Variants in STAT1 observed in about 807,000 individuals in gnomAD.
STAT1 encodes the protein signal transducer and activator of transcription 1-alpha/beta.
STAT1 carries 24 observed loss-of-function variants against 111.7 expected under a neutral mutation model. That is an observed-to-expected ratio of 0.21 (90% CI 0.16 to 0.30). STAT1 has a LOEUF of 0.30. Ranked by LOEUF, STAT1 falls within the 10% of genes least tolerant of loss-of-function variation. The pLI is 1.00. For synonymous variants in STAT1, 332 were observed against 326.5 expected, an observed-to-expected ratio of 1.02 and a Z score of -0.18; for missense variants, 351 against 911.9, an observed-to-expected ratio of 0.38 and a Z score of 7.92.
At chr2:191,001,270 G>A (rs1694248496) in intron 5 of STAT1, 107 bp from the exon 6 acceptor site, 1 of 846,708 alleles carries the variant, frequency 1.2e-6, no homozygotes, top group African/African-American at 1.7e-5. Flanking sequence ...CTTCTGACAT[G>A]TACTACAGGC....
chr2:190,982,478 G>A lies in STAT1; in HGVS notation c.1487C>T (p.Ala496Val). The A allele has an allele frequency of 6.2e-7, 1 of 1,614,198 alleles. No individual in the cohort carries two copies. The highest frequency in any genetic ancestry group is 8.5e-7 in the Non-Finnish European group (1 of 1,180,026). Residue 496 changes from alanine to valine, a missense_variant, in exon 18 of 25, where the codon GCT (alanine) becomes GTT (valine). By Grantham distance (64) the Ala-to-Val change is moderately conservative. Coordinates refer to ENST00000361099, the MANE Select transcript of STAT1 (RefSeq NM_007315.4). The surrounding 1 kb of genome is among the most constrained non-coding windows in gnomAD (Gnocchi z 7.3). The stretch of plus-strand genomic sequence containing the variant: ...CCAACTCAGCACTTCTGAAAGCTGA[G>A]CCCATCGTGCACATGGTGGAGTCAG... The part of the protein sequence containing the change: ...FFLTPPCARW[A>V]QLSEVLSWQF...
chr2:190,982,376 C>T lies in STAT1; in HGVS notation c.1582+7G>A, dbSNP rs762378892. On this transcript the variant is annotated splice_region_variant and intron_variant, in intron 18 of 24. Coordinates refer to ENST00000361099, the MANE Select transcript of STAT1 (RefSeq NM_007315.4). This position sits in a 1 kb window ranked among gnomAD's most constrained non-coding sequence, Gnocchi z 7.3. ...TTTATAAACATAACAAGTTAATATG[C>T]ATATACCAAGAAGCTTCTCTCCCAA... 1.3e-5 allele frequency: 21 copies of T among 1,614,014 alleles called. No individual in the cohort carries two copies. Among genetic ancestry groups the T allele is most frequent in the Admixed American group, 8.3e-5 (5 of 60,028 alleles).
Position 191,000,360 on chromosome 2 carries a change from C to G in STAT1, c.463-656G>C, listed in dbSNP as rs187698491. On this transcript the variant is annotated intron_variant, in intron 6 of 24. Transcript: ENST00000361099. The surrounding 1 kb of genome is among the most constrained non-coding windows in gnomAD (Gnocchi z 4.8). ...AGGAGACCGCAAGATGAAGTTGCTCCAAAGAATGTGGAGTTTGGAAAGATG... is the reference window on the plus strand; with the variant it reads ...AGGAGACCGCAAGATGAAGTTGCTCGAAAGAATGTGGAGTTTGGAAAGATG... Among the ~76,000 whole-genome samples, 3 of 152,218 alleles carry G rather than the reference C, an allele frequency of 2.0e-5. No homozygotes were observed. The highest frequency in any genetic ancestry group is 2.0e-4 in the Admixed American group (3 of 15,300).
Position 190,970,745 on chromosome 2 carries a change from T to C in STAT1, c.2239-28A>G, listed in dbSNP as rs1691390998. 2 of 1,606,594 alleles carry C rather than the reference T, an allele frequency of 1.2e-6. No homozygotes were observed. Among genetic ancestry groups the C allele is most frequent in the Non-Finnish European group, 1.7e-6 (2 of 1,173,660 alleles). On this transcript the variant is annotated intron_variant, in intron 24 of 24. Coordinates refer to ENST00000361099, the MANE Select transcript of STAT1 (RefSeq NM_007315.4). This position sits in a 1 kb window ranked among gnomAD's most constrained non-coding sequence, Gnocchi z 5.4. ...GTAAAAAGACAAAATGTGGTTAAGT[T>C]TATTACACTGATCTTGTGAAATGCA...
In STAT1 at chr2:190,982,317, A is replaced by C; in HGVS notation, c.1582+66T>G. ...TTAACAAAATAGCAGAGGGGAAAAGAGCAATTAGAGAGATATTTTTATGAA... is the reference window on the plus strand; with the variant it reads ...TTAACAAAATAGCAGAGGGGAAAAGCGCAATTAGAGAGATATTTTTATGAA... On this transcript the variant is annotated intron_variant, in intron 18 of 24. Coordinates refer to ENST00000361099, the MANE Select transcript of STAT1 (RefSeq NM_007315.4). This position sits in a 1 kb window ranked among gnomAD's most constrained non-coding sequence, Gnocchi z 7.3. 1 of 1,581,704 alleles carries C rather than the reference A, an allele frequency of 6.3e-7. No individual in the cohort carries two copies. Among genetic ancestry groups the C allele is most frequent in the African/African-American group, 1.3e-5 (1 of 74,276 alleles).
At position 190,983,651 on chromosome 2, in the gene STAT1, C is replaced by T. The variant is rs377513599; in HGVS notation, c.1437G>A (p.Ala479=). 250 of 1,613,904 alleles carry T rather than the reference C, an allele frequency of 1.5e-4. No homozygotes were observed. The highest frequency in any genetic ancestry group is 2.3e-4 in the African/African-American group (17 of 74,896). Residue 479 remains alanine (A), a synonymous_variant, in exon 17 of 25, where the codon GCG becomes GCA. Coordinates refer to ENST00000361099, the MANE Select transcript of STAT1 (RefSeq NM_007315.4). This position sits in a 1 kb window ranked among gnomAD's most constrained non-coding sequence, Gnocchi z 5.7. ...ASILWYNMLV[A]EPRNLSFFLT... ...AATGTGTTTTCCATACCCTGGGTTC[C>T]GCCACCAGCATGTTGTACCAAAGGA...
chr2:190,992,729 C>A, intron 10 of STAT1: 1 of 1,092,732 alleles, frequency 9.2e-7, no homozygotes, highest in Non-Finnish European at 1.2e-6. Flanking sequence ...CTCCAGGACC[C>A]ATTAGCTTCT....
Position 190,987,131 on chromosome 2 carries a change from A to T in STAT1, c.1098-63T>A. The T allele has an allele frequency of 8.1e-7, 1 of 1,231,470 alleles. No individual in the cohort carries two copies. The highest frequency in any genetic ancestry group is 1.2e-5 in the South Asian group (1 of 81,856). 76.3% of individuals were successfully genotyped at this position (1,231,470 alleles called of 1,614,324 possible). A position where few individuals can be genotyped will look rare whatever the true frequency, so the allele number is the denominator to read the frequency against. On this transcript the variant is annotated intron_variant, in intron 12 of 24. Transcript: ENST00000361099. This position sits in a 1 kb window ranked among gnomAD's most constrained non-coding sequence, Gnocchi z 4.0. The stretch of plus-strand genomic sequence containing the variant: ...AAAATTTGAAATAAGCTTTAACAAA[A>T]TTATAAGAGTATAAGAGCATAAGAG...
chr2:190,975,641 T>TA lies in STAT1; in HGVS notation c.2135+170dup, dbSNP rs1691848301. 2.8e-6 allele frequency: 4 copies of TA among 1,406,650 alleles called. No homozygotes were observed. Among genetic ancestry groups the TA allele is most frequent in the South Asian group, 1.5e-5 (1 of 66,308 alleles). The allele number at this position is 1,406,650 out of a possible 1,614,324, so 87.1% of individuals were successfully genotyped here. On this transcript the variant is annotated intron_variant, in intron 23 of 24. Transcript: ENST00000361099. The surrounding 1 kb of genome is among the most constrained non-coding windows in gnomAD (Gnocchi z 5.9). ...TGGTTTTTGGCTTTTTTTTTTTTTT[T>TA]AAAGTAGTAAAATGCTGATAGGCAG...
rs761058179 is a variant in STAT1, at chr2:190,981,585, A to G, written c.1582+798T>C. 1.3e-5 allele frequency among the ~76,000 whole-genome samples: 2 copies of G among 152,264 alleles called. No individual in the cohort carries two copies. Among genetic ancestry groups the G allele is most frequent in the Non-Finnish European group, 2.9e-5 (2 of 68,044 alleles). On this transcript the variant is annotated intron_variant, in intron 18 of 24. Coordinates refer to ENST00000361099, the MANE Select transcript of STAT1 (RefSeq NM_007315.4). This position sits in a 1 kb window ranked among gnomAD's most constrained non-coding sequence, Gnocchi z 4.1. ...AGGGGATTTTGTACTTGTATTAAAC[A>G]GCACAAGACCACCACTGTGACAGCT... is the stretch of plus-strand genomic sequence containing the variant.
chr2:190,972,410 A>G (rs1691560525), intron 24 of STAT1, among the ~76,000 whole-genome samples: 1 of 152,218 alleles, frequency 6.6e-6, no homozygotes, highest in South Asian at 2.1e-4. Context: ...CATACTGCAG[A>G]GAACACTGGT....
chr2:190,996,180 A>C lies in STAT1; in HGVS notation c.786-961T>G, dbSNP rs1265688736. On this transcript the variant is annotated intron_variant, in intron 9 of 24. Coordinates refer to ENST00000361099, the MANE Select transcript of STAT1 (RefSeq NM_007315.4). This position sits in a 1 kb window ranked among gnomAD's most constrained non-coding sequence, Gnocchi z 4.5. ...CCTAAACATAAAAAGCCAATGAGTA[A>C]ACCCAGTGATTGCTCTTAGTCTTCC... is the stretch of plus-strand genomic sequence containing the variant. Among the ~76,000 whole-genome samples the C allele has an allele frequency of 6.6e-6, 1 of 152,194 alleles. No individual in the cohort carries two copies. The highest frequency in any genetic ancestry group is 2.4e-5 in the African/African-American group (1 of 41,446).
rs7565237 is a variant in STAT1, at chr2:190,971,964, C to T, written c.2239-1247G>A. 0.22 allele frequency among the ~76,000 whole-genome samples: 33,469 copies of T among 152,012 alleles called. 4,019 individuals carry two copies. Among genetic ancestry groups the T allele is most frequent in the East Asian group, 0.46 (2,354 of 5,130 alleles). Reference sequence around the variant, plus strand: ...CTGATCGCAGGTGATCCACCTGCCCCGGCCTCCCAAAATGTTGAGATTACA... The same window carrying T: ...CTGATCGCAGGTGATCCACCTGCCCTGGCCTCCCAAAATGTTGAGATTACA... On this transcript the variant is annotated intron_variant, in intron 24 of 24. Coordinates refer to ENST00000361099, the MANE Select transcript of STAT1 (RefSeq NM_007315.4). This position sits in a 1 kb window ranked among gnomAD's most constrained non-coding sequence, Gnocchi z 4.1.
At chr2:191,008,835 A>G (rs1006579667) in intron 4 of STAT1, 128 bp downstream of exon 4, 13 of 941,778 alleles carry the variant, frequency 1.4e-5, no homozygotes, top group Non-Finnish European at 2.1e-5. Flanking sequence ...GAAAACATAA[A>G]TGGAGTTAGT....
rs1691872913 is a variant in STAT1 at position 190,975,921 on chromosome 2, A to C, written c.2060-34T>G. The C allele has an allele frequency of 6.4e-7, 1 of 1,571,204 alleles. No homozygotes were observed. The highest frequency in any genetic ancestry group is 8.8e-7 in the Non-Finnish European group (1 of 1,141,254). On this transcript the variant is annotated intron_variant, in intron 22 of 24. Coordinates refer to ENST00000361099, the MANE Select transcript of STAT1 (RefSeq NM_007315.4). The surrounding 1 kb of genome is among the most constrained non-coding windows in gnomAD (Gnocchi z 5.9). ...AAACACATTGTGTACGCTTTCCATC[A>C]ACCGAAATTCCATCAGAATACAACA...
In STAT1 at chr2:190,989,006, C is replaced by T. The variant is rs1189758990; in HGVS notation, c.1097+609G>A. Among the ~76,000 whole-genome samples the T allele has an allele frequency of 6.6e-6, 1 of 152,126 alleles. No individual in the cohort carries two copies. The highest frequency in any genetic ancestry group is 2.4e-5 in the African/African-American group (1 of 41,412). On this transcript the variant is annotated intron_variant, in intron 12 of 24. Coordinates refer to ENST00000361099, the MANE Select transcript of STAT1 (RefSeq NM_007315.4). This position sits in a 1 kb window ranked among gnomAD's most constrained non-coding sequence, Gnocchi z 5.0. ...GCAAAATAGGATGAGGCTGCTCCAC[C>T]TGGACCCCCAAGAGAGATGCCCATT...
Position 191,008,958 on chromosome 2 carries a change from C to A in STAT1, c.273+5G>T. The stretch of plus-strand genomic sequence containing the variant: ...TTCAACTAAAATACAAAAACCAGGT[C>A]ATACCTGAAGATTACGCTTGCTTTT... On this transcript the variant is annotated splice_donor_5th_base_variant and intron_variant, in intron 4 of 24. Coordinates refer to ENST00000361099, the MANE Select transcript of STAT1 (RefSeq NM_007315.4). 1 of 1,613,074 alleles carries A rather than the reference C, an allele frequency of 6.2e-7. No homozygotes were observed. The highest frequency in any genetic ancestry group is 1.1e-5 in the South Asian group (1 of 90,970).
rs1694722080 is a variant in STAT1, at chr2:191,006,604, G to A, written c.372+959C>T. Among the ~76,000 whole-genome samples, 2 of 152,172 alleles carry A rather than the reference G, an allele frequency of 1.3e-5. No individual in the cohort carries two copies. The highest frequency in any genetic ancestry group is 2.9e-5 in the Non-Finnish European group (2 of 68,036). On this transcript the variant is annotated intron_variant, in intron 5 of 24. Coordinates refer to ENST00000361099, the MANE Select transcript of STAT1 (RefSeq NM_007315.4). The surrounding 1 kb of genome is among the most constrained non-coding windows in gnomAD (Gnocchi z 4.6). ...GAAATGCACACAGGATGCATACTGT[G>A]TCCTCTGGCATCCATATAGCAATGG...
chr2:190,979,656 C>T lies in STAT1; in HGVS notation c.1727+116G>A, dbSNP rs1424850720. 4.9e-6 allele frequency: 4 copies of T among 816,862 alleles called. No homozygotes were observed. Among genetic ancestry groups the T allele is most frequent in the Non-Finnish European group, 2.1e-6 (1 of 473,558 alleles). The allele number at this position is 816,862 out of a possible 1,614,324, so 50.6% of individuals were successfully genotyped here. A position where few individuals can be genotyped will look rare whatever the true frequency, so the allele number is the denominator to read the frequency against. On this transcript the variant is annotated intron_variant, in intron 20 of 24. Transcript: ENST00000361099. This position sits in a 1 kb window ranked among gnomAD's most constrained non-coding sequence, Gnocchi z 5.8. ...GCCCTGAAGGGGCAGCCTATAAATG[C>T]GCACTCCTGTGAGATTCACACACGC...
Sources: gnomAD v4.1 joint callset for allele counts (sites outside exome capture counted in the v4.1 genomes callset) on GRCh38, gnomAD v4.1.1 for gene constraint, Gnocchi (gnomAD v3.1) non-coding constraint, MANE v1.5 for transcripts, NCBI Gene and HGNC (gene_info 2026-07-23, HGNC 2026-07-21) for gene names.